SRPK2: variants seen among roughly 807,000 people sequenced by gnomAD.
SRPK2 encodes SFRS protein kinase 2.
Under a neutral mutation model 90.8 loss-of-function variants are expected in SRPK2, and 21 were observed. The ratio of observed to expected loss-of-function variants is 0.23; its 90% CI spans 0.16 to 0.33. The LOEUF (loss-of-function observed/expected upper bound fraction) is 0.33, where lower values mean the gene tolerates loss of function less well. Ranked by LOEUF, SRPK2 falls within the 10% of genes least tolerant of loss-of-function variation. The pLI is 1.00. For synonymous variants in SRPK2, 288 were observed against 311.1 expected (o/e 0.93, Z 0.78); for missense variants, 620 against 869.0 (o/e 0.71, Z 3.60).
intron 2 of SRPK2, 91 bp from the exon 3 acceptor site, chr7:105,203,876 T>C (rs1795872076): frequency 1.4e-6 from 2 of 1,444,548 alleles, no homozygotes; most frequent in South Asian, 1.3e-5. Context: ...GGGGAAAAAA[T>C]AAAACTTGTC....
At chr7:105,244,620 C>A (rs1247671980) in intron 2 of SRPK2, 2 of 680,844 alleles carry the variant, frequency 2.9e-6, no homozygotes, top group African/African-American at 3.6e-5. Context: ...CCAGCCCCAG[C>A]GCGCCAGGGC....
intron 2 of SRPK2, among the ~76,000 whole-genome samples, chr7:105,337,272 T>A (rs1360718656): frequency 1.3e-5 from 2 of 151,852 alleles, no homozygotes; most frequent in Non-Finnish European, 2.9e-5. Flanking sequence ...TGGCAGGTAA[T>A]TAGGGTTAGA....
chr7:105,386,723 AATT>A (rs1821661058), intron 2 of SRPK2, among the ~76,000 whole-genome samples: 1 of 152,204 alleles, frequency 6.6e-6, no homozygotes, highest in South Asian at 2.1e-4. Flanking sequence ...GCCTCAAAAA[AATT>A]ATTAAATAAA....
intron 2 of SRPK2, among the ~76,000 whole-genome samples, chr7:105,321,098 G>T (rs535637569): frequency 1.3e-5 from 2 of 152,112 alleles, no homozygotes; most frequent in Admixed American, 6.6e-5. Flanking sequence ...CTCCCAAAGC[G>T]CTGGGATTGC....
chr7:105,315,126 A>C (rs1812173787), intron 2 of SRPK2, among the ~76,000 whole-genome samples: 1 of 152,188 alleles, frequency 6.6e-6, no homozygotes, highest in African/African-American at 2.4e-5. Flanking sequence ...TAAAAAATAG[A>C]AAACTTATAA....
chr7:105,320,966 G>C (rs1812871071), intron 2 of SRPK2, among the ~76,000 whole-genome samples: 1 of 151,968 alleles, frequency 6.6e-6, no homozygotes, highest in Non-Finnish European at 1.5e-5. Context: ...GAGTAGGTAG[G>C]ACTACAGGCA....
At chr7:105,376,368 G>C (rs1820298673) in intron 2 of SRPK2, among the ~76,000 whole-genome samples, 1 of 151,198 alleles carries the variant, frequency 6.6e-6, no homozygotes, top group African/African-American at 2.4e-5. Flanking sequence ...TCAGAGCAAA[G>C]AGTTGTAGTC....
intron 14 of SRPK2, 70 bp from the exon 15 acceptor site, chr7:105,126,410 G>T: frequency 8.9e-7 from 1 of 1,128,564 alleles, no homozygotes; most frequent in South Asian, 1.3e-5. Flanking sequence ...AAAGAAGAGG[G>T]AAAAATTGAA....
At chr7:105,363,902 G>A (rs1448270858) in intron 2 of SRPK2, among the ~76,000 whole-genome samples, 3 of 152,044 alleles carry the variant, frequency 2.0e-5, no homozygotes, top group African/African-American at 4.8e-5. Flanking sequence ...AATGAATCTG[G>A]AAACCATCAT....
At chr7:105,228,977 G>T (rs1352470713) in intron 2 of SRPK2, among the ~76,000 whole-genome samples, 1 of 152,130 alleles carries the variant, frequency 6.6e-6, no homozygotes, top group Non-Finnish European at 1.5e-5. Flanking sequence ...CAATAGTAGT[G>T]GTCTCTCTGC....
intron 6 of SRPK2, among the ~76,000 whole-genome samples, chr7:105,163,813 A>G (rs1334569945): frequency 1.3e-5 from 2 of 152,126 alleles, no homozygotes; most frequent in Non-Finnish European, 2.9e-5. Flanking sequence ...TTCCATCTCA[A>G]AGAAAAAAAA....
chr7:105,380,593 A>C (rs1820828666), intron 2 of SRPK2, among the ~76,000 whole-genome samples: 1 of 144,628 alleles, frequency 6.9e-6, no homozygotes, highest in Admixed American at 7.2e-5. Flanking sequence ...GCGCCATCTC[A>C]GCTCACTGCA....
intron 3 of SRPK2, among the ~76,000 whole-genome samples, chr7:105,171,007 A>G (rs1236129918): frequency 7.6e-5 from 10 of 131,540 alleles, no homozygotes; most frequent in Non-Finnish European, 1.2e-4. Flanking sequence ...GAAAGAAAGA[A>G]AGAAAGAGAG....
chr7:105,380,340 C>T (rs1820795111), intron 2 of SRPK2, among the ~76,000 whole-genome samples: 1 of 151,916 alleles, frequency 6.6e-6, no homozygotes, highest in South Asian at 2.1e-4. Flanking sequence ...TCATGTTGGC[C>T]AGGCTGGTCT....
chr7:105,375,222 C>A (rs1254276931), intron 2 of SRPK2, among the ~76,000 whole-genome samples: 1 of 152,126 alleles, frequency 6.6e-6, no homozygotes, highest in Non-Finnish European at 1.5e-5. Context: ...CCTAAGTAAA[C>A]TACAAATTCA....
rs3779206 is a variant in SRPK2, at chr7:105,245,676, A to C, written c.72-41891T>G. On this transcript the variant is annotated intron_variant, in intron 2 of 15. Coordinates refer to ENST00000393651, the MANE Select transcript of SRPK2 (RefSeq NM_182692.3). Reference sequence around the variant, plus strand: ...ATACAGACTACGGGGGAAAATGAGGAGATAAAGTAACTCGGGCTTCTGCAT... The same window carrying C: ...ATACAGACTACGGGGGAAAATGAGGCGATAAAGTAACTCGGGCTTCTGCAT... Among the ~76,000 whole-genome samples the C allele has an allele frequency of 2.8e-3, 427 of 152,190 alleles. 11 individuals are homozygous for C. The East Asian group carries it at 0.055, about 20-fold the overall frequency.
intron 2 of SRPK2, among the ~76,000 whole-genome samples, chr7:105,300,346 T>C (rs1810390923): frequency 2.0e-5 from 3 of 151,542 alleles, no homozygotes; most frequent in Admixed American, 1.3e-4. Flanking sequence ...TAGTTATACA[T>C]CTGACATCAT....
At chr7:105,341,920 T>C (rs892350421) in intron 2 of SRPK2, among the ~76,000 whole-genome samples, 4 of 151,832 alleles carry the variant, frequency 2.6e-5, no homozygotes, top group African/African-American at 9.7e-5. Flanking sequence ...TGAGCCGAGA[T>C]CGTGCCACTG....
intron 7 of SRPK2, chr7:105,160,269 G>C: frequency 3.3e-6 from 1 of 302,800 alleles, no homozygotes; most frequent in Non-Finnish European, 6.1e-6. Context: ...AAAAACGACA[G>C]GCAAAAAACG....
Sources: gnomAD v4.1 joint callset for allele counts (sites outside exome capture counted in the v4.1 genomes callset) on GRCh38, gnomAD v4.1.1 for gene constraint, MANE v1.5 for transcripts, NCBI Gene and HGNC (gene_info 2026-07-23, HGNC 2026-07-21) for gene names.